ATL2: variants seen among roughly 807,000 people sequenced by gnomAD.
ATL2 encodes atlastin-2.
ATL2 carries 31 observed loss-of-function variants against 73.9 expected under a neutral mutation model. The ratio of observed to expected loss-of-function variants is 0.42; its 90% confidence interval spans 0.32 to 0.57. ATL2 has a LOEUF of 0.57. Among genes scored for constraint, ATL2 ranks in the 20% least tolerant of loss-of-function variants. ATL2 has a pLI of 0.14. For missense variants in ATL2, 738 were observed against 702.6 expected (o/e 1.05, Z -0.57); for synonymous variants, 291 against 237.5 (o/e 1.23, Z -2.07).
At chr2:38,356,837 G>C (rs1042520251) in intron 1 of ATL2, among the ~76,000 whole-genome samples, 1 of 152,056 alleles carries the variant, frequency 6.6e-6, no homozygotes, top group Non-Finnish European at 1.5e-5. Context: ...GTTTCCTCTT[G>C]TATGAACGGT....
chr2:38,313,926 G>A (rs946008803), intron 6 of ATL2, among the ~76,000 whole-genome samples: 2 of 152,122 alleles, frequency 1.3e-5, no homozygotes, highest in African/African-American at 4.8e-5. Context: ...GCCAAATAGG[G>A]TATATTTCAC....
chr2:38,332,494 C>A (rs868430592), intron 2 of ATL2, among the ~76,000 whole-genome samples: 9 of 152,304 alleles, frequency 5.9e-5, no homozygotes, highest in South Asian at 2.1e-4. Context: ...GCACGAGCCA[C>A]CATGCCCCGC....
At chr2:38,313,351 A>G (rs1317332941) in intron 6 of ATL2, 108 bp from the exon 7 acceptor site, 1 of 758,908 alleles carries the variant, frequency 1.3e-6, no homozygotes, top group Middle Eastern at 3.9e-4. Flanking sequence ...AACAATCCTT[A>G]TCAAAAGTTA....
intron 9 of ATL2, among the ~76,000 whole-genome samples, chr2:38,308,678 T>G (rs1573444569): frequency 6.6e-6 from 1 of 152,082 alleles, no homozygotes; most frequent in Non-Finnish European, 1.5e-5. Context: ...ATATGATTAT[T>G]AGACATTGTA....
intron 8 of ATL2, 140 bp downstream of exon 8, chr2:38,310,169 G>A (rs1667670154): frequency 2.1e-6 from 2 of 934,188 alleles, no homozygotes; most frequent in East Asian, 2.7e-5. Flanking sequence ...ACAACACAGA[G>A]CATTACAACC....
At chr2:38,373,616 T>C (rs987615961) in intron 1 of ATL2, among the ~76,000 whole-genome samples, 16 of 152,214 alleles carry the variant, frequency 1.1e-4, no homozygotes, top group African/African-American at 3.6e-4. Flanking sequence ...GAGTAGGTAG[T>C]GAAGGTGGCT....
chr2:38,324,064 C>A (rs1668469277), intron 2 of ATL2, among the ~76,000 whole-genome samples: 1 of 152,100 alleles, frequency 6.6e-6, no homozygotes, highest in Non-Finnish European at 1.5e-5. Flanking sequence ...TCACCTGAGG[C>A]TGGGAGTTTG....
At chr2:38,351,626 T>A (rs1056450337) in intron 1 of ATL2, among the ~76,000 whole-genome samples, 1 of 151,920 alleles carries the variant, frequency 6.6e-6, no homozygotes, top group African/African-American at 2.4e-5. Flanking sequence ...CCAGAGTAGC[T>A]GGGACAACAG....
intron 2 of ATL2, among the ~76,000 whole-genome samples, chr2:38,321,249 A>G (rs922773882): frequency 1.3e-5 from 2 of 152,050 alleles, no homozygotes; most frequent in Admixed American, 1.3e-4. Flanking sequence ...AACCATCTTT[A>G]ATTATTATTA....
chr2:38,354,128 G>C (rs542705120), intron 1 of ATL2: 2 of 413,454 alleles, frequency 4.8e-6, no homozygotes, highest in African/African-American at 4.5e-5. Context: ...GGAGGTTGCA[G>C]TAAGCGAAGA....
At chr2:38,323,582 A>G (rs1054930998) in intron 2 of ATL2, among the ~76,000 whole-genome samples, 2 of 152,164 alleles carry the variant, frequency 1.3e-5, no homozygotes, top group Non-Finnish European at 2.9e-5. Flanking sequence ...ATTATCAGCA[A>G]TTAAGAAACC....
chr2:38,369,520 T>G (rs1398865917), intron 1 of ATL2, among the ~76,000 whole-genome samples: 4 of 151,738 alleles, frequency 2.6e-5, no homozygotes, highest in African/African-American at 7.2e-5. Context: ...ACTCCTGACT[T>G]TGTCATCCAC....
chr2:38,351,748 C>T (rs1670359698), intron 1 of ATL2, among the ~76,000 whole-genome samples: 1 of 151,992 alleles, frequency 6.6e-6, no homozygotes, highest in Admixed American at 6.5e-5. Context: ...CCGCCTCCGC[C>T]TCCCAAAGTG....
At position 38,316,898 on chromosome 2, in the gene ATL2, G is replaced by C. The variant is rs544047536; in HGVS notation, c.604-1564C>G. ...TGAGGGGCTTCTGCTTGCTTCAAGG[G>C]AATCACAGCTGTGCCATCTTGCAAG... On this transcript the variant is annotated intron_variant, in intron 4 of 12. Coordinates refer to ENST00000378954, the MANE Select transcript of ATL2 (RefSeq NM_001135673.4). Among the ~76,000 whole-genome samples the C allele has an allele frequency of 1.2e-3, 179 of 152,144 alleles. 1 individual carries two copies. The highest frequency in any genetic ancestry group is 4.0e-3 in the African/African-American group (167 of 41,516).
intron 1 of ATL2, among the ~76,000 whole-genome samples, chr2:38,372,490 C>T (rs964798208): frequency 1.3e-5 from 2 of 152,150 alleles, no homozygotes; most frequent in Non-Finnish European, 2.9e-5. Context: ...GGTTCTGGAA[C>T]TAATTTCCCA....
At chr2:38,308,937 A>AGG (rs200909751) in intron 9 of ATL2, among the ~76,000 whole-genome samples, 1 of 151,412 alleles carries the variant, frequency 6.6e-6, no homozygotes, top group African/African-American at 2.4e-5. Context: ...AGAAGAACAG[A>AGG]GGGAAAAAAA....
chr2:38,348,839 A>G (rs962361555), intron 1 of ATL2, among the ~76,000 whole-genome samples: 3 of 152,154 alleles, frequency 2.0e-5, no homozygotes, highest in Admixed American at 1.3e-4. Context: ...AAAAACAAAC[A>G]ACCCCATCAA....
intron 2 of ATL2, among the ~76,000 whole-genome samples, chr2:38,329,222 T>C (rs1054533024): frequency 7.5e-5 from 11 of 146,430 alleles, no homozygotes; most frequent in African/African-American, 2.5e-4. Context: ...AGGTCAGGAG[T>C]TCAAGACCAG....
At chr2:38,336,271 G>T (rs954258387) in intron 2 of ATL2, among the ~76,000 whole-genome samples, 1 of 152,308 alleles carries the variant, frequency 6.6e-6, no homozygotes, top group East Asian at 1.9e-4. Context: ...GTAGCAGTGC[G>T]TATGATTCTT....
Sources: gnomAD v4.1 joint callset for allele counts (sites outside exome capture counted in the v4.1 genomes callset) on GRCh38, gnomAD v4.1.1 for gene constraint, MANE v1.5 for transcripts, NCBI Gene and HGNC (gene_info 2026-07-23, HGNC 2026-07-21) for gene names.